Variants in CACNA1C observed in about 807,000 individuals in gnomAD.
The protein encoded by CACNA1C is voltage-dependent L-type calcium channel subunit alpha-1C.
Under a neutral mutation model 229.0 loss-of-function variants are expected in CACNA1C, and 30 were observed. That is an observed-to-expected ratio of 0.13 (90% confidence interval 0.10 to 0.18). The LOEUF (loss-of-function observed/expected upper bound fraction) is 0.18, where lower values mean the gene tolerates loss of function less well. CACNA1C is among the 10% of genes least tolerant of loss of function. CACNA1C has a pLI of 1.00. For missense variants in CACNA1C, 1,658 were observed against 2,845.0 expected (o/e 0.58, Z 9.49); for synonymous variants, 1,114 against 1,132.5 (o/e 0.98, Z 0.33).
chr12:2,329,733 G>A (rs2096478592), intron 3 of CACNA1C, among the ~76,000 whole-genome samples: 1 of 152,218 alleles, frequency 6.6e-6, no homozygotes, highest in Non-Finnish European at 1.5e-5. Context: ...CACATTAGAG[G>A]AGAATAAAGT....
intron 3 of CACNA1C, among the ~76,000 whole-genome samples, chr12:2,434,128 G>C (rs1481208190): frequency 6.6e-6 from 1 of 152,142 alleles, no homozygotes; most frequent in Non-Finnish European, 1.5e-5. Flanking sequence ...CGCTCCCTCT[G>C]TTCCCCTCAC....
chr12:2,036,259 C>T (rs2049117453), intron 1 of CACNA1C, among the ~76,000 whole-genome samples: 1 of 152,144 alleles, frequency 6.6e-6, no homozygotes, highest in Non-Finnish European at 1.5e-5. Flanking sequence ...TCTGAGTGGG[C>T]CGTGGGAAGG....
chr12:2,296,089 T>C (rs1329030759), intron 3 of CACNA1C, among the ~76,000 whole-genome samples: 1 of 152,224 alleles, frequency 6.6e-6, no homozygotes, highest in African/African-American at 2.4e-5. Context: ...GGATGATTCA[T>C]GCACTGTGCC....
intron 30 of CACNA1C, among the ~76,000 whole-genome samples, chr12:2,636,143 T>C (rs1037349290): frequency 9.2e-5 from 14 of 152,232 alleles, no homozygotes; most frequent in African/African-American, 3.4e-4. Flanking sequence ...CAGTGGGCTC[T>C]GCCCTCAGGA....
At chr12:2,480,826 G>C (rs2099672992) in intron 5 of CACNA1C, among the ~76,000 whole-genome samples, 1 of 152,326 alleles carries the variant, frequency 6.6e-6, no homozygotes, top group Admixed American at 6.5e-5. Flanking sequence ...AATTGGGAAT[G>C]TGAAATGTTC....
At chr12:2,245,533 C>G (rs1294548200) in intron 3 of CACNA1C, among the ~76,000 whole-genome samples, 1 of 152,166 alleles carries the variant, frequency 6.6e-6, no homozygotes, top group Non-Finnish European at 1.5e-5. Flanking sequence ...GCTTGGGCTC[C>G]TTTCCTTGTT....
chr12:1,985,935 C>T (rs902347745), intron 1 of CACNA1C, among the ~76,000 whole-genome samples: 1 of 152,142 alleles, frequency 6.6e-6, no homozygotes, highest in African/African-American at 2.4e-5. Context: ...CTCAGCCTCC[C>T]AAGTAGCTGG....
intron 29 of CACNA1C, among the ~76,000 whole-genome samples, chr12:2,615,799 G>A (rs1421405094): frequency 6.6e-6 from 1 of 152,200 alleles, no homozygotes; most frequent in African/African-American, 2.4e-5. Flanking sequence ...GTTTGCTGTC[G>A]AGGATGTCTC....
rs376570105 is a variant in CACNA1C, at chr12:2,512,995, G to A, written c.1390+11G>A. ...AGAAGCCCCGAAACAGTGAGCAGCC[G>A]TCTTCTTCTGTGTTTGGGCTGGGTT... On this transcript the variant is annotated intron_variant, in intron 9 of 46. Coordinates refer to ENST00000399655, the MANE Select transcript of CACNA1C (RefSeq NM_000719.7). This position sits in a 1 kb window ranked among gnomAD's most constrained non-coding sequence, Gnocchi z 4.3. 1.1e-4 allele frequency: 178 copies of A among 1,584,618 alleles called. No individual in the cohort carries two copies. The highest frequency in any genetic ancestry group is 8.5e-4 in the African/African-American group (63 of 74,480).
In CACNA1C at chr12:2,595,953, A is replaced by G. The variant is rs776344593; in HGVS notation, c.2743A>G (p.Ile915Val). Residue 915 changes from isoleucine to valine, a missense_variant, in exon 20 of 47, where the codon ATT (isoleucine) becomes GTT (valine). This residue lies in a region of CACNA1C where 52 missense variants were observed against 99.0 expected (regional missense o/e 0.53). Coordinates refer to ENST00000399655, the MANE Select transcript of CACNA1C (RefSeq NM_000719.7). The surrounding 1 kb of genome is among the most constrained non-coding windows in gnomAD (Gnocchi z 4.1). ...CCTCTTCTTCATTCTGCTCAGCAGC[A>G]TTTCCCTGGCTGCTGAGGACCCGGT... Reference protein sequence around the residue: ...LILFFILLSSISLAAEDPVQH... With the variant: ...LILFFILLSSVSLAAEDPVQH... 1.2e-6 allele frequency: 2 copies of G among 1,613,268 alleles called. No individual in the cohort carries two copies. The highest frequency in any genetic ancestry group is 1.1e-5 in the South Asian group (1 of 91,038).
chr12:2,051,044 G>T (rs1251421628), upstream of CACNA1C, among the ~76,000 whole-genome samples: 1 of 152,170 alleles, frequency 6.6e-6, no homozygotes, highest in Non-Finnish European at 1.5e-5. Flanking sequence ...TAAAGTTAAT[G>T]AATAAGTAAA....
rs191418887 is a variant in CACNA1C, at chr12:2,684,768, C to A, written c.5574-968C>A. On this transcript the variant is annotated intron_variant, in intron 43 of 46. Coordinates refer to ENST00000399655, the MANE Select transcript of CACNA1C (RefSeq NM_000719.7). The stretch of plus-strand genomic sequence containing the variant: ...GGGTGATTTGCATAAGAAGAAAATA[C>A]AATAGGGAGGCCTTAGCTAGCTGAG... 1.4e-4 allele frequency among the ~76,000 whole-genome samples: 22 copies of A among 152,260 alleles called. No homozygotes were observed. In the East Asian group the frequency reaches 4.2e-3, roughly 29 times the overall value.
chr12:2,452,346 G>A (rs978373272), intron 4 of CACNA1C, among the ~76,000 whole-genome samples: 5 of 152,140 alleles, frequency 3.3e-5, no homozygotes, highest in African/African-American at 1.2e-4. Context: ...CCGAGGGACC[G>A]TGGAATCCTC....
rs1232320163 is a variant in CACNA1C, at chr12:2,605,222, G to C, written c.3048+54G>C. The stretch of plus-strand genomic sequence containing the variant: ...CCAGCCAGCCCATTGGGGAGTGGGA[G>C]CTCCACAGAGGTGAGGGGTGGGTTG... On this transcript the variant is annotated intron_variant, in intron 23 of 46. Coordinates refer to ENST00000399655, the MANE Select transcript of CACNA1C (RefSeq NM_000719.7). This position sits in a 1 kb window ranked among gnomAD's most constrained non-coding sequence, Gnocchi z 6.2. 1 of 1,259,150 alleles carries C rather than the reference G, an allele frequency of 7.9e-7. No individual in the cohort carries two copies. Among genetic ancestry groups the C allele is most frequent in the Non-Finnish European group, 1.2e-6 (1 of 858,658 alleles). The allele number at this position is 1,259,150 out of a possible 1,614,324, so 78.0% of individuals were successfully genotyped here.
chr12:2,051,978 AG>A (rs1380331295), upstream of CACNA1C, among the ~76,000 whole-genome samples: 10 of 152,292 alleles, frequency 6.6e-5, no homozygotes, highest in African/African-American at 2.4e-4. Context: ...ATGTGGAGGC[AG>A]GTAGAGGTTT....
chr12:2,506,320 A>T (rs2099771785), intron 8 of CACNA1C, among the ~76,000 whole-genome samples: 1 of 152,226 alleles, frequency 6.6e-6, no homozygotes. Context: ...TAAGGAAAAG[A>T]TTGAAAAAAT....
intron 3 of CACNA1C, among the ~76,000 whole-genome samples, chr12:2,279,765 G>A (rs1300808848): frequency 6.6e-6 from 1 of 152,182 alleles, no homozygotes; most frequent in East Asian, 1.9e-4. Flanking sequence ...GAAAAATACA[G>A]TATCAACTAT....
intron 3 of CACNA1C, among the ~76,000 whole-genome samples, chr12:2,282,794 A>G (rs2091721327): frequency 6.6e-6 from 1 of 152,240 alleles, no homozygotes; most frequent in African/African-American, 2.4e-5. Context: ...CTCGACTTCA[A>G]GTAACAGGAT....
At chr12:2,260,825 T>C (rs2079860901) in intron 3 of CACNA1C, among the ~76,000 whole-genome samples, 1 of 152,196 alleles carries the variant, frequency 6.6e-6, no homozygotes, top group Non-Finnish European at 1.5e-5. Flanking sequence ...GCCTTTTTGG[T>C]CTCAGGACTC....
Sources: allele counts gnomAD v4.1 joint callset (sites outside exome capture counted in the v4.1 genomes callset), GRCh38; gene constraint gnomAD v4.1.1; regional missense constraint gnomAD v4.1.1; non-coding constraint Gnocchi (gnomAD v3.1); transcripts MANE v1.5; gene names NCBI Gene and HGNC (gene_info 2026-07-23, HGNC 2026-07-21).